The following PCSK6 variants were observed in gnomAD, a reference collection of about 807,000 sequenced individuals.
PCSK6 encodes the protein proprotein convertase subtilisin/kexin type 6.
Under a neutral mutation model 123.3 loss-of-function variants are expected in PCSK6, and 85 were observed. The ratio of observed to expected loss-of-function variants is 0.69; its 90% CI spans 0.58 to 0.83. PCSK6 has a LOEUF of 0.83. Among genes scored for constraint, PCSK6 ranks in the 40% least tolerant of loss-of-function variants. The probability of loss-of-function intolerance (pLI) is 0.00; values close to 1 mark genes in which losing one functional copy is unlikely to be tolerated. For synonymous variants in PCSK6, 508 were observed against 516.0 expected (o/e 0.98, Z 0.21); for missense variants, 1,191 against 1,282.3 (o/e 0.93, Z 1.09).
chr15:101,454,781 C>T (rs2057132015), intron 1 of PCSK6, among the ~76,000 whole-genome samples: 1 of 152,010 alleles, frequency 6.6e-6, no homozygotes, highest in Admixed American at 6.6e-5. Flanking sequence ...CCCGCCTCTA[C>T]CAAAAATACA....
At chr15:101,350,058 G>T (rs752331792) in intron 13 of PCSK6, among the ~76,000 whole-genome samples, 4 of 151,964 alleles carry the variant, frequency 2.6e-5, no homozygotes, top group Non-Finnish European at 4.4e-5. Flanking sequence ...ACAGGTGCAC[G>T]CCACCATGCC....
intron 1 of PCSK6, among the ~76,000 whole-genome samples, chr15:101,468,045 G>T (rs1378098572): frequency 2.6e-5 from 4 of 152,168 alleles, no homozygotes; most frequent in Non-Finnish European, 5.9e-5. Context: ...TCAAATAATA[G>T]ATTTTAAATG....
intron 13 of PCSK6, among the ~76,000 whole-genome samples, chr15:101,354,830 C>T (rs4965831): frequency 0.44 from 67,550 of 152,076 alleles, 15,376 homozygotes; most frequent in Admixed American, 0.52. Flanking sequence ...TAGTTTAAAG[C>T]ACAAATCATA....
At position 101,394,561 on chromosome 15, in the gene PCSK6, C is replaced by T. The variant is rs371786347; in HGVS notation, c.997-1137G>A. ...ACGGGAAACTGGAGCCACTGGCTGG[C>T]CATCACATCCTTACTAAGGACCGTC... On this transcript the variant is annotated intron_variant, in intron 7 of 21. Transcript: ENST00000611716. 1.6e-4 allele frequency among the ~76,000 whole-genome samples: 24 copies of T among 152,300 alleles called. No individual in the cohort carries two copies. The East Asian group carries it at 2.1e-3, about 13-fold the overall frequency.
At chr15:101,489,317 C>G (rs1184695615) in intron 1 of PCSK6, 57 bp downstream of exon 1, 3 of 1,067,682 alleles carry the variant, frequency 2.8e-6, no homozygotes, top group East Asian at 6.3e-5. Flanking sequence ...GCGCCCCCCT[C>G]GCGCGCGCCG....
intron 1 of PCSK6, among the ~76,000 whole-genome samples, chr15:101,468,012 T>C (rs1017584179): frequency 1.3e-5 from 2 of 152,170 alleles, no homozygotes; most frequent in Non-Finnish European, 2.9e-5. Context: ...AACAAATATA[T>C]TGTGGGAAAT....
intron 19 of PCSK6, 21 bp downstream of exon 19, chr15:101,318,298 C>T: frequency 6.5e-7 from 1 of 1,534,034 alleles, no homozygotes; most frequent in Non-Finnish European, 8.8e-7. Context: ...GGCCCGAGGC[C>T]TCCGCAGGCG....
intron 1 of PCSK6, among the ~76,000 whole-genome samples, chr15:101,454,376 T>C (rs1037736743): frequency 3.3e-5 from 5 of 152,104 alleles, no homozygotes; most frequent in African/African-American, 4.8e-5. Flanking sequence ...GCAACCCAGG[T>C]GTCTGTGGCT....
intron 13 of PCSK6, among the ~76,000 whole-genome samples, chr15:101,333,512 C>T (rs540166843): frequency 7.9e-5 from 12 of 152,288 alleles, no homozygotes; most frequent in African/African-American, 2.2e-4. Flanking sequence ...AGAATGGTTT[C>T]GGGGAGGAAG....
intron 1 of PCSK6, among the ~76,000 whole-genome samples, chr15:101,462,563 G>C (rs573681317): frequency 3.9e-5 from 6 of 152,312 alleles, no homozygotes; most frequent in Admixed American, 6.5e-5. Flanking sequence ...CACTGGGTCA[G>C]AGACAGACAA....
intron 6 of PCSK6, among the ~76,000 whole-genome samples, chr15:101,413,112 A>G (rs1041421623): frequency 3.3e-5 from 5 of 152,184 alleles, no homozygotes; most frequent in Admixed American, 2.0e-4. Context: ...ATTTGGCAAG[A>G]GATATAAACC....
At chr15:101,482,003 C>A (rs1003178566) in intron 1 of PCSK6, among the ~76,000 whole-genome samples, 1 of 152,190 alleles carries the variant, frequency 6.6e-6, no homozygotes, top group Non-Finnish European at 1.5e-5. Flanking sequence ...TTCACGCACA[C>A]GCATGTGCAC....
chr15:101,378,832 G>C (rs2041826596), intron 11 of PCSK6, among the ~76,000 whole-genome samples: 1 of 152,250 alleles, frequency 6.6e-6, no homozygotes, highest in Non-Finnish European at 1.5e-5. Context: ...TCCCCTCTTG[G>C]CTAGTCCTTT....
At chr15:101,414,143 C>T (rs1289735206) in intron 6 of PCSK6, among the ~76,000 whole-genome samples, 1 of 152,054 alleles carries the variant, frequency 6.6e-6, no homozygotes, top group Non-Finnish European at 1.5e-5. Flanking sequence ...TGGGGTAATA[C>T]CTTTTAAATT....
At chr15:101,431,816 T>C (rs2056455445) in intron 3 of PCSK6, among the ~76,000 whole-genome samples, 174 bp downstream of exon 3, 1 of 152,038 alleles carries the variant, frequency 6.6e-6, no homozygotes, top group African/African-American at 2.4e-5. Flanking sequence ...TCAGAAAAAA[T>C]CCACAGGAAA....
In PCSK6 at chr15:101,431,380, C is replaced by T; in HGVS notation, c.597G>A (p.Val199=). Residue 199 remains valine (V), a synonymous_variant, in exon 4 of 22, where the codon GTG becomes GTA. Coordinates refer to ENST00000611716, the MANE Select transcript of PCSK6 (RefSeq NM_002570.5). The part of the protein sequence containing the change: ...AWKRGYTGKN[V]VVTILDDGIE... ...TGCCATCATCAAGGATGGTGACCAC[C>T]ACGTTTTTTCCTGTGTAGCCCCTCT... 6.2e-7 allele frequency: 1 copy of T among 1,613,998 alleles called. No homozygotes were observed. Among genetic ancestry groups the T allele is most frequent in the South Asian group, 1.1e-5 (1 of 91,074 alleles).
At chr15:101,427,767 G>A (rs1426625109) in intron 6 of PCSK6, 125 bp downstream of exon 6, 3 of 687,670 alleles carry the variant, frequency 4.4e-6, no homozygotes, top group Non-Finnish European at 7.5e-6. Flanking sequence ...GCTGCGTCTG[G>A]CCCAGGGGTC....
chr15:101,341,162 G>C (rs189049911), intron 13 of PCSK6, among the ~76,000 whole-genome samples: 8 of 150,484 alleles, frequency 5.3e-5, no homozygotes, highest in Non-Finnish European at 7.4e-5. Flanking sequence ...CTTGAACTCC[G>C]AACCTCAGGT....
intron 19 of PCSK6, among the ~76,000 whole-genome samples, chr15:101,315,643 T>C (rs1199540054): frequency 6.6e-6 from 1 of 152,274 alleles, no homozygotes; most frequent in Non-Finnish European, 1.5e-5. Context: ...CATTTGCTGT[T>C]TCAAGTAGTG....
Sources: gnomAD v4.1 joint callset for allele counts (sites outside exome capture counted in the v4.1 genomes callset) on GRCh38, gnomAD v4.1.1 for gene constraint, MANE v1.5 for transcripts, NCBI Gene and HGNC (gene_info 2026-07-23, HGNC 2026-07-21) for gene names.